FKBP15: variants seen among roughly 807,000 people sequenced by gnomAD.
The protein encoded by FKBP15 is FKBP prolyl isomerase family member 15, also known as FK506-binding protein 15.
FKBP15 carries 106 observed loss-of-function variants against 158.1 expected under a neutral mutation model. The observed-to-expected ratio is 0.67, with a 90% CI of 0.57 to 0.79. FKBP15 has a LOEUF of 0.79. FKBP15 is among the 30% of genes least tolerant of loss of function. The pLI, the probability that FKBP15 is intolerant of heterozygous loss-of-function variation, is 0.00. For synonymous variants in FKBP15, 547 were observed against 548.6 expected (o/e 1.00, Z 0.04); for missense variants, 1,287 against 1,479.1 (o/e 0.87, Z 2.13).
rs1429112908 is a variant in FKBP15 at position 113,169,542 on chromosome 9, G to T, written c.3167C>A (p.Ser1056Tyr). Reference protein sequence around the residue: ...PEPLGPVSMDSECEESLAASP... With the variant: ...PEPLGPVSMDYECEESLAASP... ...GGCAGCAAGTGACTCCTCACACTCA[G>T]AGTCCATGGATACAGGGCCTAGGGG... Residue 1056 changes from serine to tyrosine, a missense_variant, in exon 26 of 28, where the codon TCT becomes TAT. Transcript: ENST00000238256. 6.2e-7 allele frequency: 1 copy of T among 1,613,932 alleles called. No homozygotes were observed. Among genetic ancestry groups the T allele is most frequent in the African/African-American group, 1.3e-5 (1 of 74,946 alleles).
At chr9:113,186,532 A>C in intron 14 of FKBP15, 169 bp from the exon 15 acceptor site, 1 of 595,258 alleles carries the variant, frequency 1.7e-6, no homozygotes, top group Non-Finnish European at 3.0e-6. Context: ...CTGCAGCAGG[A>C]GAGTTATCTA....
intron 4 of FKBP15, among the ~76,000 whole-genome samples, chr9:113,203,577 G>C (rs538957548): frequency 1.3e-5 from 2 of 151,556 alleles, no homozygotes; most frequent in South Asian, 2.1e-4. Flanking sequence ...GCCCAGGCTG[G>C]AGTGCAGTGG....
intron 21 of FKBP15, among the ~76,000 whole-genome samples, chr9:113,174,844 C>T (rs1830275112): frequency 2.0e-4 from 1 of 5,082 alleles, no homozygotes; most frequent in Non-Finnish European, 4.5e-4. Flanking sequence ...GGGCGGATCA[C>T]GAGGTCAGGA....
chr9:113,221,051 G>A, intron 1 of FKBP15, 140 bp downstream of exon 1: 1 of 882,918 alleles, frequency 1.1e-6, no homozygotes, highest in Non-Finnish European at 1.7e-6. Context: ...CCCAGATTCT[G>A]AGAGGTGTAG....
At chr9:113,187,167 C>T (rs1314340379) in intron 14 of FKBP15, 1 of 152,466 alleles carries the variant, frequency 6.6e-6, no homozygotes, top group Non-Finnish European at 1.5e-5. Flanking sequence ...TCGAGACTCC[C>T]CATGTTAATG....
chr9:113,193,603 G>A (rs1830615385), intron 10 of FKBP15, 54 bp from the exon 11 acceptor site: 1 of 1,434,104 alleles, frequency 7.0e-7, no homozygotes, highest in Admixed American at 1.9e-5. Flanking sequence ...AGAATCACAA[G>A]TCCAAATTAT....
At position 113,161,845 on chromosome 9, in the gene FKBP15, C is replaced by A; in HGVS notation, c.*4233G>T. The A allele has an allele frequency of 2.4e-6, 2 of 835,478 alleles. No homozygotes were observed. Among genetic ancestry groups the A allele is most frequent in the Non-Finnish European group, 2.0e-6 (1 of 504,876 alleles). The allele number at this position is 835,478 out of a possible 1,614,324, so 51.8% of individuals were successfully genotyped here. A position where few individuals can be genotyped will look rare whatever the true frequency, so the allele number is the denominator to read the frequency against. The stretch of plus-strand genomic sequence containing the variant: ...ACTTGCCAAAGTGGCTACACATAGC[C>A]AAGTGAACTAGAGCTCATGTCTCCT... On this transcript the variant is annotated 3_prime_UTR_variant, in exon 28 of 28. Coordinates refer to ENST00000238256, the MANE Select transcript of FKBP15 (RefSeq NM_015258.2).
rs748917722 is a variant in FKBP15, at chr9:113,187,860, G to C, written c.1316C>G (p.Ala439Gly). 4.9e-5 allele frequency: 79 copies of C among 1,613,904 alleles called. 1 individual carries two copies. In the South Asian group the frequency reaches 8.6e-4, roughly 17 times the overall value. ...PSVTGLQAPS[A>G]ALMQVSSLDS... is the part of the protein sequence containing the mutation. ...GAGAGATGACACTTGCATTAAGGCA[G>C]CAGAAGGTGCCTGGAGCCCAGTAAC... Residue 439 changes from alanine (A) to glycine (G), a missense_variant, in exon 14 of 28, where the codon GCT (alanine) becomes GGT (glycine). By Grantham distance (60) the Ala-to-Gly change is moderately conservative. Coordinates refer to ENST00000238256, the MANE Select transcript of FKBP15 (RefSeq NM_015258.2).
intron 26 of FKBP15, among the ~76,000 whole-genome samples, chr9:113,168,798 T>C (rs1027376116): frequency 2.0e-5 from 3 of 152,206 alleles, no homozygotes; most frequent in African/African-American, 7.2e-5. Context: ...CTCAGAATCC[T>C]TCCCTAGCCA....
Position 113,184,702 on chromosome 9 carries a change from A to G in FKBP15, c.1601T>C (p.Met534Thr), listed in dbSNP as rs758925223. 1.9e-6 allele frequency: 3 copies of G among 1,604,016 alleles called. No homozygotes were observed. The highest frequency in any genetic ancestry group is 2.6e-6 in the Non-Finnish European group (3 of 1,174,752). Residue 534 changes from methionine to threonine, a missense_variant, in exon 16 of 28, where the codon ATG becomes ACG. By Grantham distance (81) the Met-to-Thr change is moderately conservative. Transcript: ENST00000238256. The surrounding 1 kb of genome is among the most constrained non-coding windows in gnomAD (Gnocchi z 4.5). Reference protein sequence around the residue: ...SKVADKMDHLMTKVEELQKHS... With the variant: ...SKVADKMDHLTTKVEELQKHS... ...CAACTCTGACTCAGTCACCTTAGTCATGAGATGATCCATTTTATCAGCCAC... is the reference window on the plus strand; with the variant it reads ...CAACTCTGACTCAGTCACCTTAGTCGTGAGATGATCCATTTTATCAGCCAC...
Position 113,164,937 on chromosome 9 carries a change from CAT to C in FKBP15, c.*1139_*1140del, listed in dbSNP as rs1830074522. 6.6e-6 allele frequency: 1 copy of C among 152,210 alleles called. No homozygotes were observed. The highest frequency in any genetic ancestry group is 2.4e-5 in the African/African-American group (1 of 41,440). The allele number at this position is 152,210 out of a possible 1,614,324, so 9.4% of individuals were successfully genotyped here. A position where few individuals can be genotyped will look rare whatever the true frequency, so the allele number is the denominator to read the frequency against. ...GCCTCCCAGGTCCGCACACGGGAGA[CAT>C]ATCCAAAGCCTGCAAGGATGATGCC... On this transcript the variant is annotated 3_prime_UTR_variant, in exon 28 of 28. Coordinates refer to ENST00000238256, the MANE Select transcript of FKBP15 (RefSeq NM_015258.2).
chr9:113,165,106 A>C lies in FKBP15; in HGVS notation c.*972T>G, dbSNP rs532094969. On this transcript the variant is annotated 3_prime_UTR_variant, in exon 28 of 28. Coordinates refer to ENST00000238256, the MANE Select transcript of FKBP15 (RefSeq NM_015258.2). ...AGATCCTGGAATCAAGAAAATGACC[A>C]CAAGTATTTTCTCACTACTGTTCTC... The C allele has an allele frequency of 2.0e-5, 3 of 152,312 alleles. No individual in the cohort carries two copies. Among genetic ancestry groups the C allele is most frequent in the South Asian group, 2.1e-4 (1 of 4,828 alleles). 9.4% of individuals were successfully genotyped at this position (152,312 alleles called of 1,614,324 possible).
intron 1 of FKBP15, among the ~76,000 whole-genome samples, chr9:113,215,607 T>C (rs1267014700): frequency 1.4e-5 from 1 of 72,588 alleles, no homozygotes; most frequent in Non-Finnish European, 3.0e-5. Flanking sequence ...TATGTGTGCG[T>C]GTGTGTGTGT....
chr9:113,216,708 C>A (rs1173449673), intron 1 of FKBP15, among the ~76,000 whole-genome samples: 1 of 152,152 alleles, frequency 6.6e-6, no homozygotes, highest in Non-Finnish European at 1.5e-5. Flanking sequence ...AATGAATGTC[C>A]TTGTTAGCTT....
chr9:113,208,001 G>T (rs1474656112), intron 2 of FKBP15, among the ~76,000 whole-genome samples: 1 of 152,136 alleles, frequency 6.6e-6, no homozygotes, highest in South Asian at 2.1e-4. Context: ...TCTAGGGTGG[G>T]AAATTCAGTA....
intron 2 of FKBP15, among the ~76,000 whole-genome samples, chr9:113,208,784 A>G (rs1348998081): frequency 6.6e-6 from 1 of 152,106 alleles, no homozygotes; most frequent in African/African-American, 2.4e-5. Flanking sequence ...AGGTGGGCAG[A>G]TCACTTGTGG....
At chr9:113,173,770 C>T (rs1016375729) in intron 22 of FKBP15, among the ~76,000 whole-genome samples, 165 bp from the exon 23 acceptor site, 2 of 152,104 alleles carry the variant, frequency 1.3e-5, no homozygotes, top group African/African-American at 4.8e-5. Context: ...AAATGCACTT[C>T]TTAAGATGTC....
intron 3 of FKBP15, 93 bp from the exon 4 acceptor site, chr9:113,206,671 T>A: frequency 1.5e-6 from 1 of 685,686 alleles, no homozygotes; most frequent in Non-Finnish European, 2.4e-6. Flanking sequence ...GGAACAACAG[T>A]CATTCAGCCT....
In FKBP15 at chr9:113,161,855, A is replaced by G. The variant is rs1055942339; in HGVS notation, c.*4223T>C. The G allele has an allele frequency of 3.8e-6, 3 of 784,556 alleles. No individual in the cohort carries two copies. Among genetic ancestry groups the G allele is most frequent in the South Asian group, 1.5e-5 (1 of 68,868 alleles). 48.6% of individuals were successfully genotyped at this position (784,556 alleles called of 1,614,324 possible). A position where few individuals can be genotyped will look rare whatever the true frequency, so the allele number is the denominator to read the frequency against. On this transcript the variant is annotated 3_prime_UTR_variant, in exon 28 of 28. Coordinates refer to ENST00000238256, the MANE Select transcript of FKBP15 (RefSeq NM_015258.2). The stretch of plus-strand genomic sequence containing the variant: ...GTGGCTACACATAGCCAAGTGAACT[A>G]GAGCTCATGTCTCCTGATGCCCAGG...
Sources: allele counts gnomAD v4.1 joint callset (sites outside exome capture counted in the v4.1 genomes callset), GRCh38; gene constraint gnomAD v4.1.1; non-coding constraint Gnocchi (gnomAD v3.1); transcripts MANE v1.5; gene names NCBI Gene and HGNC (gene_info 2026-07-23, HGNC 2026-07-21).